Variants in TNIK observed in about 807,000 individuals in gnomAD.
The protein encoded by TNIK is TRAF2 and NCK interacting kinase.
In TNIK, 49 loss-of-function variants were observed where a neutral mutation model predicts 191.3. The observed-to-expected ratio is 0.26, with a 90% CI of 0.20 to 0.32. The LOEUF (loss-of-function observed/expected upper bound fraction) is 0.32. Ranked by LOEUF, TNIK falls within the 10% of genes least tolerant of loss-of-function variation. The pLI is 1.00. For missense variants in TNIK, 1,155 were observed against 1,702.3 expected (o/e 0.68, Z 5.66); for synonymous variants, 594 against 600.9 (o/e 0.99, Z 0.17).
intron 28 of TNIK, among the ~76,000 whole-genome samples, chr3:171,078,171 T>A (rs1255003488): frequency 1.3e-5 from 2 of 152,200 alleles, no homozygotes; most frequent in African/African-American, 4.8e-5. Flanking sequence ...CTTTCTTTCA[T>A]TTAGTATGCT....
At chr3:171,076,120 T>C (rs1000847418) in intron 28 of TNIK, among the ~76,000 whole-genome samples, 1 of 152,062 alleles carries the variant, frequency 6.6e-6, no homozygotes, top group Non-Finnish European at 1.5e-5. Flanking sequence ...GGGCTTTTTT[T>C]TTTTCCTTTG....
intron 21 of TNIK, among the ~76,000 whole-genome samples, chr3:171,102,981 G>A (rs1723848875): frequency 6.6e-6 from 1 of 152,182 alleles, no homozygotes; most frequent in Non-Finnish European, 1.5e-5. Context: ...AAACACTTTA[G>A]GTGTTTTACG....
chr3:171,385,973 G>A (rs533369468), intron 1 of TNIK, among the ~76,000 whole-genome samples: 22 of 152,246 alleles, frequency 1.4e-4, no homozygotes, highest in Non-Finnish European at 2.8e-4. Flanking sequence ...CCAGGCAAAT[G>A]AACAAATACA....
At chr3:171,088,649 T>C (rs1431518481) in intron 23 of TNIK, among the ~76,000 whole-genome samples, 1 of 152,234 alleles carries the variant, frequency 6.6e-6, no homozygotes, top group Non-Finnish European at 1.5e-5. Flanking sequence ...GATTACGTGA[T>C]GTAACAAGTT....
At chr3:171,186,217 T>C (rs1254181567) in intron 7 of TNIK, among the ~76,000 whole-genome samples, 1 of 152,186 alleles carries the variant, frequency 6.6e-6, no homozygotes, top group Non-Finnish European at 1.5e-5. Flanking sequence ...CTAAGGATAC[T>C]GAACAGAAAA....
In TNIK at chr3:171,120,627, T is replaced by A. The variant is rs920723746; in HGVS notation, c.2120+2969A>T. 1.6e-4 allele frequency among the ~76,000 whole-genome samples: 24 copies of A among 152,292 alleles called. 1 individual carries two copies. The highest frequency in any genetic ancestry group is 3.3e-4 in the Admixed American group (5 of 15,306). ...AGCCACCGCGCCCGGCCTCTTTTTT[T>A]AAAAAATTGATTTAGCACAACAGTG... On this transcript the variant is annotated intron_variant, in intron 18 of 32. Transcript: ENST00000436636.
intron 2 of TNIK, among the ~76,000 whole-genome samples, chr3:171,325,545 T>C (rs1446919436): frequency 1.3e-5 from 2 of 152,174 alleles, no homozygotes; most frequent in Non-Finnish European, 1.5e-5. Flanking sequence ...AAATGTTCAT[T>C]CTTAATTCTA....
intron 20 of TNIK, among the ~76,000 whole-genome samples, 169 bp from the exon 21 acceptor site, chr3:171,107,375 G>C (rs566252310): frequency 6.6e-6 from 1 of 151,990 alleles, no homozygotes; most frequent in African/African-American, 2.4e-5. Flanking sequence ...TATTACTCTC[G>C]GTATACGTCG....
intron 3 of TNIK, among the ~76,000 whole-genome samples, chr3:171,224,683 C>G (rs567881366): frequency 2.0e-5 from 3 of 152,160 alleles, no homozygotes; most frequent in Non-Finnish European, 4.4e-5. Flanking sequence ...TGACTGCCCA[C>G]TGATGCTGAT....
At chr3:171,085,022 C>A in intron 25 of TNIK, 96 bp downstream of exon 25, 1 of 923,310 alleles carries the variant, frequency 1.1e-6, no homozygotes, top group South Asian at 2.2e-5. Context: ...AAGCAGTAAT[C>A]AGCTTAACTA....
At chr3:171,299,074 T>C (rs1031231367) in intron 2 of TNIK, among the ~76,000 whole-genome samples, 1 of 152,110 alleles carries the variant, frequency 6.6e-6, no homozygotes, top group Non-Finnish European at 1.5e-5. Context: ...TGTGGGGAGC[T>C]CCTGTGAGGC....
At chr3:171,441,556 T>G (rs757565366) in intron 1 of TNIK, among the ~76,000 whole-genome samples, 1 of 152,242 alleles carries the variant, frequency 6.6e-6, no homozygotes, top group African/African-American at 2.4e-5. Flanking sequence ...TATCCATCAG[T>G]TGATAGACAT....
chr3:171,222,456 C>A (rs182976998), intron 3 of TNIK, among the ~76,000 whole-genome samples: 269 of 152,198 alleles, frequency 1.8e-3, no homozygotes, highest in Admixed American at 3.3e-3. Flanking sequence ...TCAGTATTAG[C>A]CCCTTTTTGG....
Position 171,066,662 on chromosome 3 carries a change from T to C in TNIK, c.3773A>G (p.Tyr1258Cys), listed in dbSNP as rs918731339. Residue 1258 changes from tyrosine (Y) to cysteine (C), a missense_variant, in exon 31 of 33, where the codon TAT becomes TGT. Tyr to Cys is a radical substitution (Grantham distance 194, BLOSUM62 -2). Around this residue, in one of 3 missense-constraint regions of TNIK, gnomAD observed 195 missense variants for 415.4 expected, o/e 0.47. Coordinates refer to ENST00000436636, the MANE Select transcript of TNIK (RefSeq NM_015028.4). Reference sequence around the variant, plus strand: ...GTTTACATACACCCCCTCATCCTCATAGCAAACAAGCATTTCCATTCCATC... The same window carrying C: ...GTTTACATACACCCCCTCATCCTCACAGCAAACAAGCATTTCCATTCCATC... ...KTDGMEMLVC[Y>C]EDEGVYVNTY... The C allele has an allele frequency of 6.2e-7, 1 of 1,613,858 alleles. No homozygotes were observed. The highest frequency in any genetic ancestry group is 8.5e-7 in the Non-Finnish European group (1 of 1,179,860).
At position 171,155,747 on chromosome 3, in the gene TNIK, C is replaced by G. The variant is rs145841334; in HGVS notation, c.1221+1713G>C. Among the ~76,000 whole-genome samples, 240 of 152,260 alleles carry G rather than the reference C, an allele frequency of 1.6e-3. 3 individuals carry two copies. The highest frequency in any genetic ancestry group is 2.7e-3 in the Non-Finnish European group (184 of 68,020). On this transcript the variant is annotated intron_variant, in intron 12 of 32. Coordinates refer to ENST00000436636, the MANE Select transcript of TNIK (RefSeq NM_015028.4). ...GTTGGCCACAGATTCTGTGCCCTTG[C>G]GCAGAACTCCTTAAATGTTCAGGAT...
At chr3:171,284,947 G>T (rs1046674354) in intron 2 of TNIK, among the ~76,000 whole-genome samples, 1 of 152,216 alleles carries the variant, frequency 6.6e-6, no homozygotes, top group African/African-American at 2.4e-5. Flanking sequence ...ATTCTGAGCA[G>T]ATGCCAAGAC....
At chr3:171,380,877 A>G (rs1003648618) in intron 1 of TNIK, among the ~76,000 whole-genome samples, 5 of 152,244 alleles carry the variant, frequency 3.3e-5, no homozygotes, top group Non-Finnish European at 7.3e-5. Context: ...GATGGCCCAG[A>G]GCCATGTAGG....
intron 1 of TNIK, among the ~76,000 whole-genome samples, chr3:171,412,399 C>T (rs779461737): frequency 7.9e-5 from 12 of 152,164 alleles, no homozygotes; most frequent in Non-Finnish European, 7.3e-5. Context: ...AAAGATGTTC[C>T]TCCTTTCCTT....
chr3:171,100,671 C>A (rs1723357328), intron 22 of TNIK, among the ~76,000 whole-genome samples: 1 of 124,306 alleles, frequency 8.0e-6, no homozygotes, highest in South Asian at 2.4e-4. Flanking sequence ...GGGGAAGCAA[C>A]AGGGGATAAG....
Sources: allele counts gnomAD v4.1 joint callset (sites outside exome capture counted in the v4.1 genomes callset), GRCh38; gene constraint gnomAD v4.1.1; regional missense constraint gnomAD v4.1.1; transcripts MANE v1.5; gene names NCBI Gene and HGNC (gene_info 2026-07-23, HGNC 2026-07-21).